The following ZNF112 variants were observed in gnomAD, a reference collection of about 807,000 sequenced individuals.
ZNF112 encodes zinc finger protein 112.
Under a neutral mutation model 77.7 loss-of-function variants are expected in ZNF112, and 37 were observed. That is an observed-to-expected ratio of 0.48 (90% CI 0.37 to 0.63). The LOEUF (loss-of-function observed/expected upper bound fraction) is 0.63. Ranked by LOEUF, ZNF112 falls within the 20% of genes least tolerant of loss-of-function variation. The pLI is 0.00. For missense variants in ZNF112, 950 were observed against 1,077.4 expected (o/e 0.88, Z 1.66); for synonymous variants, 333 against 363.6 (o/e 0.92, Z 0.96).
At chr19:44,357,236 A>G (rs1303624364), upstream of ZNF112, among the ~76,000 whole-genome samples, 19 of 152,192 alleles carry the variant, frequency 1.2e-4, no homozygotes, top group Admixed American at 1.2e-3. Flanking sequence ...AAACCCAAAT[A>G]AACTCAACCA....
rs1162395562 is a variant in ZNF112 at position 44,328,307 on chromosome 19, T to A, written c.1850A>T (p.His617Leu). ...ECGKGFSRSS[H>L]LQGHQRVHTG... is the part of the protein sequence containing the mutation. Reference sequence around the variant, plus strand: ...GTGGACTCTCTGATGGCCTTGAAGGTGTGAACTCCGACTGAAGCCCTTCCC... The same window carrying A: ...GTGGACTCTCTGATGGCCTTGAAGGAGTGAACTCCGACTGAAGCCCTTCCC... The change falls in exon 4 of 4, where the codon CAC becomes CTC. Residue 617 changes from histidine (H) to leucine (L), a missense_variant. Physicochemically the swap from His to Leu is moderately conservative, Grantham distance 99. This residue lies in a region of ZNF112 where 373 missense variants were observed against 482.8 expected (regional missense o/e 0.77). Transcript: ENST00000354340. 2 of 1,613,796 alleles carry A rather than the reference T, an allele frequency of 1.2e-6. No homozygotes were observed. The highest frequency in any genetic ancestry group is 1.7e-6 in the Non-Finnish European group (2 of 1,179,912).
At chr19:44,335,089 G>A (rs1568663927) in intron 3 of ZNF112, among the ~76,000 whole-genome samples, 1 of 152,240 alleles carries the variant, frequency 6.6e-6, no homozygotes, top group Non-Finnish European at 1.5e-5. Flanking sequence ...CAGAGCCACA[G>A]AGGCAGAGAT....
rs777177021 is a variant in ZNF112 at position 44,327,916 on chromosome 19, C to T, written c.2241G>A (p.Met747Ile). Residue 747 changes from methionine (M) to isoleucine (I), a missense_variant, in exon 4 of 4, where the codon ATG (methionine) becomes ATA (isoleucine). By Grantham distance (10) the Met-to-Ile change is conservative. Coordinates refer to ENST00000354340, the MANE Select transcript of ZNF112 (RefSeq NM_013380.4). ...AACTCTGACTAAAGCCCTTCCCACA[C>T]ATCTCACATTTATACGGTTTCACTC... ...HTRVKPYKCEMCGKGFSQSSR... is the reference protein window; with the variant it reads ...HTRVKPYKCEICGKGFSQSSR... The T allele has an allele frequency of 6.2e-7, 1 of 1,612,866 alleles. No individual in the cohort carries two copies. The highest frequency in any genetic ancestry group is 1.1e-5 in the South Asian group (1 of 91,028).
intron 1 of ZNF112, among the ~76,000 whole-genome samples, chr19:44,349,230 A>C (rs959960665): frequency 6.6e-6 from 1 of 152,098 alleles, no homozygotes; most frequent in Non-Finnish European, 1.5e-5. Context: ...AATTTAAACC[A>C]CTGTGACTCA....
chr19:44,345,294 A>G (rs1181390132), intron 1 of ZNF112, among the ~76,000 whole-genome samples: 1 of 152,212 alleles, frequency 6.6e-6, no homozygotes, highest in Non-Finnish European at 1.5e-5. Flanking sequence ...TGGCCTCTCA[A>G]GAAAATTGTC....
At chr19:44,330,397 G>A (rs962751815) in intron 3 of ZNF112, among the ~76,000 whole-genome samples, 1 of 152,108 alleles carries the variant, frequency 6.6e-6, no homozygotes, top group Non-Finnish European at 1.5e-5. Flanking sequence ...TTTGCAGCAC[G>A]ACCTGGACAT....
At chr19:44,331,868 G>A (rs746385839) in intron 3 of ZNF112, among the ~76,000 whole-genome samples, 5 of 152,198 alleles carry the variant, frequency 3.3e-5, no homozygotes, top group East Asian at 1.9e-4. Flanking sequence ...TATAGGAGAC[G>A]TAGGGCGACA....
intron 3 of ZNF112, among the ~76,000 whole-genome samples, chr19:44,333,137 C>T (rs540894782): frequency 6.6e-6 from 1 of 152,234 alleles, no homozygotes; most frequent in East Asian, 1.9e-4. Flanking sequence ...TTGAGAAAGT[C>T]AATGATTCAA....
At chr19:44,345,392 T>G (rs565033353) in intron 1 of ZNF112, among the ~76,000 whole-genome samples, 7 of 152,286 alleles carry the variant, frequency 4.6e-5, no homozygotes, top group Non-Finnish European at 1.0e-4. Flanking sequence ...TAAATGATGT[T>G]CTTGGAGCTG....
upstream of ZNF112, among the ~76,000 whole-genome samples, chr19:44,361,560 C>A (rs1970855409): frequency 6.6e-6 from 1 of 152,138 alleles, no homozygotes; most frequent in Non-Finnish European, 1.5e-5. Context: ...AAGCTACGTA[C>A]TGTAATTCAA....
chr19:44,354,724 T>A (rs1207868861), intron 1 of ZNF112, among the ~76,000 whole-genome samples: 1 of 152,168 alleles, frequency 6.6e-6, no homozygotes, highest in African/African-American at 2.4e-5. Context: ...GAGAAAAGTA[T>A]GACATGGTCC....
intron 1 of ZNF112, among the ~76,000 whole-genome samples, chr19:44,350,046 G>A (rs1970664366): frequency 6.6e-6 from 1 of 152,008 alleles, no homozygotes; most frequent in Non-Finnish European, 1.5e-5. Flanking sequence ...ACCAAAGAAG[G>A]TACAAATACT....
At chr19:44,347,955 A>G (rs1599931510) in intron 1 of ZNF112, among the ~76,000 whole-genome samples, 2 of 151,934 alleles carry the variant, frequency 1.3e-5, no homozygotes, top group South Asian at 2.1e-4. Context: ...CCTGAAGGAC[A>G]TTTTCACTGG....
In ZNF112 at chr19:44,328,986, TA is replaced by T; in HGVS notation, c.1170del (p.Phe390LeufsTer23). ...PHEYEENENV[F>X]NQSSCLQVHQ... ...TGGACTTGAAGACATGAACTCTGATTAAAGACATTCTCATTTTCCTCATATT... is the reference window on the plus strand; with the variant it reads ...TGGACTTGAAGACATGAACTCTGATTAAGACATTCTCATTTTCCTCATATT... On this transcript the variant is annotated frameshift_variant, in exon 4 of 4. Coordinates refer to ENST00000354340, the MANE Select transcript of ZNF112 (RefSeq NM_013380.4). LOFTEE classifies it high-confidence loss of function. 6.2e-7 allele frequency: 1 copy of T among 1,614,006 alleles called. No homozygotes were observed. The highest frequency in any genetic ancestry group is 1.1e-5 in the South Asian group (1 of 91,082).
upstream of ZNF112, among the ~76,000 whole-genome samples, chr19:44,359,471 GCGCCACCA>G (rs1970833625): frequency 1.3e-5 from 2 of 151,690 alleles, no homozygotes; most frequent in Admixed American, 1.3e-4. Flanking sequence ...TTACAGGCAT[GCGCCACCA>G]CGCCCAGCTA....
Position 44,329,244 on chromosome 19 carries a change from C to G in ZNF112, c.913G>C (p.Asp305His). 1.2e-6 allele frequency: 2 copies of G among 1,613,832 alleles called. No individual in the cohort carries two copies. The highest frequency in any genetic ancestry group is 4.5e-5 in the East Asian group (2 of 44,850). ...LHIHQNIERE[D>H]DIENSHLKSY... ...TTCAGATGTGAATTCTCAATATCAT[C>G]TTCTCTCTCAATATTTTGATGAATA... is the stretch of plus-strand genomic sequence containing the variant. Residue 305 changes from aspartate (D) to histidine (H), a missense_variant, in exon 4 of 4, where the codon GAT becomes CAT. Physicochemically the swap from Asp to His is moderately conservative, Grantham distance 81 (BLOSUM62 -1). Transcript: ENST00000354340.
At chr19:44,336,378 T>C (rs1970366273) in intron 3 of ZNF112, among the ~76,000 whole-genome samples, 1 of 152,114 alleles carries the variant, frequency 6.6e-6, no homozygotes, top group Non-Finnish European at 1.5e-5. Context: ...GAGGGGGCAA[T>C]CATGGGGCAG....
At chr19:44,353,169 T>C (rs1298186630) in intron 1 of ZNF112, among the ~76,000 whole-genome samples, 1 of 151,996 alleles carries the variant, frequency 6.6e-6, no homozygotes, top group Non-Finnish European at 1.5e-5. Context: ...GGTACAGAAA[T>C]AAACCCAAAC....
chr19:44,354,422 T>C (rs750115216), intron 1 of ZNF112, among the ~76,000 whole-genome samples: 5 of 152,170 alleles, frequency 3.3e-5, no homozygotes, highest in Non-Finnish European at 5.9e-5. Flanking sequence ...TTATAAGGCA[T>C]GGTCTATAAA....
Sources: gnomAD v4.1 joint callset for allele counts (sites outside exome capture counted in the v4.1 genomes callset) on GRCh38, gnomAD v4.1.1 for gene constraint, gnomAD v4.1.1 regional missense constraint, MANE v1.5 for transcripts, NCBI Gene and HGNC (gene_info 2026-07-23, HGNC 2026-07-21) for gene names.